MAGEB2: variants seen among roughly 807,000 people sequenced by gnomAD.
MAGEB2 encodes the protein melanoma-associated antigen B2.
For missense variants in MAGEB2, 365 were observed against 243.2 expected (o/e 1.50, Z -3.33); for synonymous variants, 107 against 96.2 (o/e 1.11, Z -0.66).
intron 1 of MAGEB2, among the ~76,000 whole-genome samples, chrX:30,217,802 CTG>C (rs1353181019): frequency 8.9e-6 from 1 of 112,237 alleles, no homozygotes; most frequent in African/African-American, 3.2e-5. Context: ...ATTGAGGAAT[CTG>C]AGAATTCAAG....
chrX:30,219,462 G>C lies in MAGEB2; in HGVS notation c.882G>C (p.Lys294Asn). The C allele has an allele frequency of 4.1e-6, 5 of 1,211,339 alleles. No individual in the cohort carries two copies. Among genetic ancestry groups the C allele is most frequent in the Non-Finnish European group, 5.6e-6 (5 of 895,053 alleles). ...TGAAAGTCCTGGAGTTTTTGGCCAA[G>C]GTAAATGGTACCACCCCCTGTGCCT... ...SKMKVLEFLA[K>N]VNGTTPCAFP... The change falls in exon 2 of 2, where the codon AAG becomes AAC. Residue 294 changes from lysine (K) to asparagine (N), a missense_variant. Physicochemically the swap from Lys to Asn is moderately conservative, Grantham distance 94. Transcript: ENST00000378988.
Position 30,218,790 on chromosome X carries a change from T to TGCTGCG in MAGEB2, c.218_223dup (p.Ala73_Ala74dup). On this transcript the variant is annotated inframe_insertion, in exon 2 of 2. Coordinates refer to ENST00000378988, the MANE Select transcript of MAGEB2 (RefSeq NM_002364.5). Reference sequence around the variant, plus strand: ...CTCAGAGAGCCCCAACCACTGCCGCTGCTGCGGCTGCGGGTGTTTCATCCA... The same window carrying TGCTGCG: ...CTCAGAGAGCCCCAACCACTGCCGCTGCTGCGGCTGCGGCTGCGGGTGTTTCATCCA... 1 of 1,188,658 alleles carries TGCTGCG rather than the reference T, an allele frequency of 8.4e-7. No homozygotes were observed. Among genetic ancestry groups the TGCTGCG allele is most frequent in the Non-Finnish European group, 1.1e-6 (1 of 883,286 alleles).
At position 30,219,305 on chromosome X, in the gene MAGEB2, G is replaced by A. The variant is rs756812571; in HGVS notation, c.725G>A (p.Gly242Glu). 3 of 1,211,504 alleles carry A rather than the reference G, an allele frequency of 2.5e-6. No individual in the cohort carries two copies. Among genetic ancestry groups the A allele is most frequent in the East Asian group, 5.9e-5 (2 of 33,858 alleles). Residue 242 changes from glycine (G) to glutamate (E), a missense_variant, in exon 2 of 2, where the codon GGG (glycine) becomes GAG (glutamate). Physicochemically the swap from Gly to Glu is moderately conservative, Grantham distance 98. Transcript: ENST00000378988. Reference sequence around the variant, plus strand: ...GATGGAGAGGAGCACTCAGTCTTTGGGGAACCCTGGAAGCTCATCACCAAA... The same window carrying A: ...GATGGAGAGGAGCACTCAGTCTTTGAGGAACCCTGGAAGCTCATCACCAAA... Reference protein sequence around the residue: ...VYDGEEHSVFGEPWKLITKDL... With the variant: ...VYDGEEHSVFEEPWKLITKDL...
chrX:30,218,800 G>T lies in MAGEB2; in HGVS notation c.220G>T (p.Ala74Ser). Residue 74 changes from alanine to serine, a missense_variant, in exon 2 of 2, where the codon GCG (alanine) becomes TCG (serine). Ala to Ser is a moderately conservative substitution (Grantham distance 99). Coordinates refer to ENST00000378988, the MANE Select transcript of MAGEB2 (RefSeq NM_002364.5). ...RAPTTAAAAAAGVSSTKSKKG... is the reference protein window; with the variant it reads ...RAPTTAAAAASGVSSTKSKKG... ...CCCAACCACTGCCGCTGCTGCGGCT[G>T]CGGGTGTTTCATCCACAAAATCTAA... is the stretch of plus-strand genomic sequence containing the variant. 5 of 1,189,381 alleles carry T rather than the reference G, an allele frequency of 4.2e-6. No homozygotes were observed. Among genetic ancestry groups the T allele is most frequent in the East Asian group, 3.1e-5 (1 of 32,737 alleles).
chrX:30,217,010 A>G (rs1924425198), intron 1 of MAGEB2, among the ~76,000 whole-genome samples: 1 of 110,521 alleles, frequency 9.0e-6, no homozygotes, highest in Non-Finnish European at 1.9e-5. Flanking sequence ...TGGGAGCCAC[A>G]CAATCCTCAG....
At chrX:30,217,512 T>C (rs1230014575) in intron 1 of MAGEB2, among the ~76,000 whole-genome samples, 1 of 112,319 alleles carries the variant, frequency 8.9e-6, no homozygotes, top group Non-Finnish European at 1.9e-5. Context: ...GGATTACAGT[T>C]AGACATGAGA....
chrX:30,217,809 T>A (rs1001865908), intron 1 of MAGEB2, among the ~76,000 whole-genome samples: 1 of 112,265 alleles, frequency 8.9e-6, no homozygotes, highest in Non-Finnish European at 1.9e-5. Flanking sequence ...AATCTGAGAA[T>A]TCAAGGAACC....
In MAGEB2 at chrX:30,220,050, T is replaced by A. The variant is rs1367603306; in HGVS notation, c.*510T>A. 8.1e-6 allele frequency: 1 copy of A among 123,874 alleles called. No homozygotes were observed. The highest frequency in any genetic ancestry group is 1.9e-5 in the Non-Finnish European group (1 of 53,591). The allele number at this position is 123,874 out of a possible 1,213,427, so 10.2% of individuals were successfully genotyped here. A position where few individuals can be genotyped will look rare whatever the true frequency, so the allele number is the denominator to read the frequency against. ...GATACATACCTGGATTTGTTTATGT[T>A]ATTCAAGAATGTGTGAGAAATTAAA... is the stretch of plus-strand genomic sequence containing the variant. On this transcript the variant is annotated 3_prime_UTR_variant, in exon 2 of 2. Transcript: ENST00000378988.
chrX:30,217,785 G>C (rs1392913164), intron 1 of MAGEB2, among the ~76,000 whole-genome samples: 1 of 112,068 alleles, frequency 8.9e-6, no homozygotes. Flanking sequence ...CCTCTACCAG[G>C]AGTCAAATTG....
In MAGEB2 at chrX:30,219,812, G is replaced by T; in HGVS notation, c.*272G>T. ...CACCCTGTTATTGCTGTTTTTCAGGGACAGTAGAAAGTGTTTTGTTTTTTG... is the reference window on the plus strand; with the variant it reads ...CACCCTGTTATTGCTGTTTTTCAGGTACAGTAGAAAGTGTTTTGTTTTTTG... On this transcript the variant is annotated 3_prime_UTR_variant, in exon 2 of 2. Transcript: ENST00000378988. 1 of 240,099 alleles carries T rather than the reference G, an allele frequency of 4.2e-6. No homozygotes were observed. The highest frequency in any genetic ancestry group is 7.9e-6 in the Non-Finnish European group (1 of 127,276). The allele number at this position is 240,099 out of a possible 1,213,427, so 19.8% of individuals were successfully genotyped here.
intron 1 of MAGEB2, among the ~76,000 whole-genome samples, chrX:30,218,094 C>G (rs1351630045): frequency 1.0e-5 from 1 of 97,607 alleles, no homozygotes; most frequent in Non-Finnish European, 2.1e-5. Flanking sequence ...ACTCTCAGCA[C>G]TGGGTGTCAC....
chrX:30,217,386 T>G (rs1220171457), intron 1 of MAGEB2, among the ~76,000 whole-genome samples: 1 of 111,136 alleles, frequency 9.0e-6, no homozygotes, highest in Non-Finnish European at 1.9e-5. Flanking sequence ...CTACACACTT[T>G]TAAATGACCA....
At position 30,219,354 on chromosome X, in the gene MAGEB2, G is replaced by C; in HGVS notation, c.774G>C (p.Leu258=). 1.7e-6 allele frequency: 2 copies of C among 1,211,833 alleles called. No homozygotes were observed. Among genetic ancestry groups the C allele is most frequent in the Middle Eastern group, 2.3e-4 (1 of 4,354 alleles). The part of the protein sequence containing the change: ...ITKDLVQEKY[L]EYKQVPSSDP... ...AAGATCTGGTGCAGGAAAAATATCT[G>C]GAGTACAAGCAGGTGCCCAGCAGTG... The change falls in exon 2 of 2, where the codon CTG becomes CTC. Residue 258 remains leucine (L), a synonymous_variant. Coordinates refer to ENST00000378988, the MANE Select transcript of MAGEB2 (RefSeq NM_002364.5).
rs980024523 is a variant in MAGEB2 at position 30,215,600 on chromosome X, G to T, written c.-61G>T. On this transcript the variant is annotated 5_prime_UTR_variant, in exon 1 of 2. Transcript: ENST00000378988. ...GAGGCGAGGACCCGAGCGAGTGTAG[G>T]GGGTGCGGCGTCTGGTCAGCCAGGG... The T allele has an allele frequency of 6.3e-5, 7 of 110,951 alleles. 1 individual carries two copies. The highest frequency in any genetic ancestry group is 4.8e-4 in the Admixed American group (5 of 10,448). 9.1% of individuals were successfully genotyped at this position (110,951 alleles called of 1,213,427 possible).
At position 30,219,276 on chromosome X, in the gene MAGEB2, CTA is replaced by C; in HGVS notation, c.698_699del (p.Tyr233Ter). 8.3e-7 allele frequency: 1 copy of C among 1,211,481 alleles called. No individual in the cohort carries two copies. Among genetic ancestry groups the C allele is most frequent in the Non-Finnish European group, 1.1e-6 (1 of 895,414 alleles). On this transcript the variant is annotated frameshift_variant, in exon 2 of 2. Coordinates refer to ENST00000378988, the MANE Select transcript of MAGEB2 (RefSeq NM_002364.5). LOFTEE classifies it low-confidence loss of function (END_TRUNC). Reference sequence around the variant, plus strand: ...GGGAATTCCTGAATATGTTGGGAGTCTATGATGGAGAGGAGCACTCAGTCTTT... The same window carrying C: ...GGGAATTCCTGAATATGTTGGGAGTCTGATGGAGAGGAGCACTCAGTCTTT... Reference protein sequence around the residue: ...IWEFLNMLGVYDGEEHSVFGE... With the variant: ...IWEFLNMLGVXDGEEHSVFGE...
In MAGEB2 at chrX:30,219,387, A is replaced by G. The variant is rs1305109939; in HGVS notation, c.807A>G (p.Pro269=). ...EYKQVPSSDP[P]RFQFLWGPRA... ...AGCAGGTGCCCAGCAGTGATCCCCCACGCTTTCAATTCCTGTGGGGTCCGA... is the reference window on the plus strand; with the variant it reads ...AGCAGGTGCCCAGCAGTGATCCCCCGCGCTTTCAATTCCTGTGGGGTCCGA... The change falls in exon 2 of 2, where the codon CCA becomes CCG. Residue 269 remains proline (P), a synonymous_variant. Transcript: ENST00000378988. The G allele has an allele frequency of 8.3e-7, 1 of 1,211,853 alleles. No individual in the cohort carries two copies. Among genetic ancestry groups the G allele is most frequent in the Non-Finnish European group, 1.1e-6 (1 of 895,470 alleles).
chrX:30,218,104 C>T (rs891384553), intron 1 of MAGEB2, among the ~76,000 whole-genome samples: 1 of 87,730 alleles, frequency 1.1e-5, no homozygotes, highest in Non-Finnish European at 2.3e-5. Context: ...CTGGGTGTCA[C>T]TTCTCAGGGT....
chrX:30,219,464 TA>T lies in MAGEB2; in HGVS notation c.887del (p.Asn296MetfsTer16). ...KMKVLEFLAK[V>X]NGTTPCAFPT... ...AAAGTCCTGGAGTTTTTGGCCAAGG[TA>T]AATGGTACCACCCCCTGTGCCTTCC... On this transcript the variant is annotated frameshift_variant, in exon 2 of 2. Coordinates refer to ENST00000378988, the MANE Select transcript of MAGEB2 (RefSeq NM_002364.5). LOFTEE classifies it low-confidence loss of function (END_TRUNC). 8.3e-7 allele frequency: 1 copy of T among 1,211,145 alleles called. No homozygotes were observed. The highest frequency in any genetic ancestry group is 1.7e-5 in the African/African-American group (1 of 57,715).
At chrX:30,217,899 T>A (rs1924444147) in intron 1 of MAGEB2, among the ~76,000 whole-genome samples, 3 of 112,211 alleles carry the variant, frequency 2.7e-5, no homozygotes, top group Non-Finnish European at 5.6e-5. Context: ...AGGAAAGGGT[T>A]ATCAGGTTTA....
Sources: allele counts gnomAD v4.1 joint callset (sites outside exome capture counted in the v4.1 genomes callset), GRCh38; gene constraint gnomAD v4.1.1; transcripts MANE v1.5; gene names NCBI Gene and HGNC (gene_info 2026-07-23, HGNC 2026-07-21).